Variants in HSD17B7 observed in about 807,000 individuals in gnomAD.
HSD17B7 encodes the protein 3-keto-steroid reductase/17-beta-hydroxysteroid dehydrogenase 7.
A neutral mutation model predicts 34.1 loss-of-function variants in HSD17B7; 17 were observed. The ratio of observed to expected loss-of-function variants is 0.50; its 90% CI spans 0.34 to 0.75. The LOEUF is 0.75. Ranked by LOEUF, HSD17B7 falls within the 30% of genes least tolerant of loss-of-function variation. The probability of loss-of-function intolerance (pLI) is 0.01; values close to 1 mark genes in which losing one functional copy is unlikely to be tolerated. For synonymous variants in HSD17B7, 122 were observed against 154.6 expected (o/e 0.79, Z 1.56); for missense variants, 296 against 406.6 (o/e 0.73, Z 2.34).
intron 2 of HSD17B7, among the ~76,000 whole-genome samples, chr1:162,794,376 C>T (rs1484722304): frequency 1.3e-5 from 2 of 152,120 alleles, no homozygotes; most frequent in African/African-American, 2.4e-5. Context: ...TTTCTTCACT[C>T]CAGCTCTTCT....
chr1:162,793,063 T>C, intron 2 of HSD17B7: 1 of 420,406 alleles, frequency 2.4e-6, no homozygotes, highest in South Asian at 2.2e-5. Flanking sequence ...AGATGGAGTC[T>C]TGCTCTGTTG....
intron 8 of HSD17B7, among the ~76,000 whole-genome samples, chr1:162,811,768 T>C (rs1649179207): frequency 1.3e-5 from 2 of 152,172 alleles, no homozygotes; most frequent in African/African-American, 2.4e-5. Context: ...AAAAAAGGGA[T>C]GCTTTATTTC....
chr1:162,801,196 G>A (rs1181080836), intron 5 of HSD17B7, among the ~76,000 whole-genome samples: 1 of 152,104 alleles, frequency 6.6e-6, no homozygotes, highest in Non-Finnish European at 1.5e-5. Flanking sequence ...AGCTGGTCTC[G>A]AACTCCTGAC....
At chr1:162,809,945 C>T (rs375713560) in intron 8 of HSD17B7, among the ~76,000 whole-genome samples, 1 of 152,004 alleles carries the variant, frequency 6.6e-6, no homozygotes, top group East Asian at 1.9e-4. Context: ...GTGTCTCTAT[C>T]TCCTTCAGTT....
chr1:162,796,886 A>T (rs1229441379), intron 3 of HSD17B7, among the ~76,000 whole-genome samples: 1 of 152,124 alleles, frequency 6.6e-6, no homozygotes, highest in Non-Finnish European at 1.5e-5. Flanking sequence ...ATGGTATTCT[A>T]AGTCTCCAGG....
At chr1:162,801,997 C>T (rs370875528) in intron 5 of HSD17B7, among the ~76,000 whole-genome samples, 112 of 152,076 alleles carry the variant, frequency 7.4e-4, no homozygotes, top group African/African-American at 2.7e-3. Context: ...TTCTTCTTGG[C>T]CTTTATGAGG....
intron 5 of HSD17B7, among the ~76,000 whole-genome samples, chr1:162,800,853 C>T (rs1348348131): frequency 6.6e-6 from 1 of 152,170 alleles, no homozygotes; most frequent in Non-Finnish European, 1.5e-5. Flanking sequence ...TATGTTTTAC[C>T]TCAACGGAGC....
intron 8 of HSD17B7, among the ~76,000 whole-genome samples, chr1:162,809,407 C>G (rs1649098774): frequency 6.6e-6 from 1 of 152,158 alleles, no homozygotes; most frequent in African/African-American, 2.4e-5. Context: ...CAGTGTTCAT[C>G]AGGGATATTG....
intron 8 of HSD17B7, among the ~76,000 whole-genome samples, chr1:162,811,470 G>A (rs993323450): frequency 6.6e-6 from 1 of 150,886 alleles, no homozygotes; most frequent in African/African-American, 2.5e-5. Flanking sequence ...TTTAGGCTCT[G>A]TGTTGGCTTG....
chr1:162,801,915 T>G (rs1461418188), intron 5 of HSD17B7, among the ~76,000 whole-genome samples: 1 of 152,244 alleles, frequency 6.6e-6, no homozygotes, highest in African/African-American at 2.4e-5. Flanking sequence ...TGGGATTTTA[T>G]CTTTTACGAA....
intron 8 of HSD17B7, among the ~76,000 whole-genome samples, chr1:162,809,807 T>C (rs1428065220): frequency 6.6e-6 from 1 of 152,144 alleles, no homozygotes; most frequent in Admixed American, 6.6e-5. Context: ...CCTTTTATCA[T>C]TTTTTATTGC....
intron 5 of HSD17B7, among the ~76,000 whole-genome samples, chr1:162,802,227 T>C (rs1648836781): frequency 6.6e-6 from 1 of 152,328 alleles, no homozygotes; most frequent in Non-Finnish European, 1.5e-5. Flanking sequence ...TCTTCTTCTT[T>C]CTTTTTTGTT....
chr1:162,801,233 C>G (rs979635870), intron 5 of HSD17B7, among the ~76,000 whole-genome samples: 2 of 152,178 alleles, frequency 1.3e-5, no homozygotes, highest in African/African-American at 4.8e-5. Context: ...CCTCAGCCTC[C>G]CAAAATGCTG....
intron 5 of HSD17B7, chr1:162,800,181 T>C (rs758387208): frequency 4.6e-6 from 3 of 647,424 alleles, no homozygotes; most frequent in South Asian, 4.5e-5. Flanking sequence ...AAAGTGATAA[T>C]AGCTACTGTG....
intron 7 of HSD17B7, 83 bp from the exon 8 acceptor site, chr1:162,805,311 A>G (rs1346744558): frequency 6.5e-6 from 10 of 1,540,838 alleles, no homozygotes; most frequent in African/African-American, 5.5e-5. Flanking sequence ...GGGGAGCTCT[A>G]TAAAGTGCAG....
chr1:162,806,400 A>G (rs554954440), intron 8 of HSD17B7, among the ~76,000 whole-genome samples: 1 of 152,168 alleles, frequency 6.6e-6, no homozygotes. Flanking sequence ...TGAACCTTCC[A>G]GGTTTTTCAA....
chr1:162,793,502 C>G (rs1253142395), intron 2 of HSD17B7, among the ~76,000 whole-genome samples: 1 of 151,980 alleles, frequency 6.6e-6, no homozygotes, highest in Admixed American at 6.6e-5. Context: ...TTCATGGAGA[C>G]TAAGTTATGA....
chr1:162,790,796 C>T lies in HSD17B7; in HGVS notation c.-5C>T, dbSNP rs189050827. The T allele has an allele frequency of 1.8e-5, 29 of 1,612,158 alleles. No homozygotes were observed. Among genetic ancestry groups the T allele is most frequent in the Admixed American group, 1.2e-4 (7 of 59,850 alleles). On this transcript the variant is annotated 5_prime_UTR_variant, in exon 1 of 9. Coordinates refer to ENST00000254521, the MANE Select transcript of HSD17B7 (RefSeq NM_016371.4). The stretch of plus-strand genomic sequence containing the variant: ...TTCACTGCTTGGAAGTGTGAGTGCG[C>T]GAAGATGCGAAAGGTGGTTTTGATC...
chr1:162,809,343 T>A (rs901517937), intron 8 of HSD17B7, among the ~76,000 whole-genome samples: 6 of 152,280 alleles, frequency 3.9e-5, no homozygotes, highest in African/African-American at 1.4e-4. Context: ...TGGATAAGCT[T>A]TTTGATGTGC....
Sources: gnomAD v4.1 joint callset for allele counts (sites outside exome capture counted in the v4.1 genomes callset) on GRCh38, gnomAD v4.1.1 for gene constraint, MANE v1.5 for transcripts, NCBI Gene and HGNC (gene_info 2026-07-23, HGNC 2026-07-21) for gene names.